The following RPS4X variants were observed in gnomAD, a reference collection of about 807,000 sequenced individuals.
The protein encoded by RPS4X is ribosomal protein S4 X-linked, also known as small ribosomal subunit protein eS4, X isoform.
For synonymous variants in RPS4X, 76 were observed against 76.8 expected (o/e 0.99, Z 0.06); for missense variants, 90 against 219.1 (o/e 0.41, Z 3.72).
chrX:72,274,089 T>C, intron 4 of RPS4X, 117 bp from the exon 5 acceptor site: 2 of 643,405 alleles, frequency 3.1e-6, no homozygotes, highest in Non-Finnish European at 4.9e-6. Flanking sequence ...GATCGTTCTT[T>C]CCACCCTCAA....
rs1038312542 is a variant in RPS4X at position 72,274,435 on chromosome X, G to A, written c.361-463C>T. 54 of 341,815 alleles carry A rather than the reference G, an allele frequency of 1.6e-4. No homozygotes were observed. In the Admixed American group the frequency reaches 1.6e-3, roughly 10 times the overall value. 28.2% of individuals were successfully genotyped at this position (341,815 alleles called of 1,213,427 possible). On this transcript the variant is annotated intron_variant, in intron 4 of 6. Coordinates refer to ENST00000316084, the MANE Select transcript of RPS4X (RefSeq NM_001007.5). ...TGCCCTCCAGTCTGCTGTTAACAAG[G>A]CTGTGCAAAAGGAAATTAGGAGCCA...
intron 1 of RPS4X, among the ~76,000 whole-genome samples, chrX:72,276,562 G>T (rs1304306941): frequency 8.9e-6 from 1 of 111,786 alleles, no homozygotes; most frequent in African/African-American, 3.3e-5. Context: ...GGTCTTTCAA[G>T]AACACCATAC....
In RPS4X at chrX:72,277,186, G is replaced by T; in HGVS notation, c.3+7C>A. The T allele has an allele frequency of 1.7e-6, 2 of 1,210,450 alleles. No homozygotes were observed. The highest frequency in any genetic ancestry group is 3.5e-5 in the South Asian group (2 of 56,656). ...CGTCCTAAGAGCTCGCTAACTAAAC[G>T]GCTTACCATGGCTGCGTTAGGCAAG... On this transcript the variant is annotated splice_region_variant and intron_variant, in intron 1 of 6. Coordinates refer to ENST00000316084, the MANE Select transcript of RPS4X (RefSeq NM_001007.5).
chrX:72,272,573 TAAAA>T lies in RPS4X; in HGVS notation c.*94_*97del, dbSNP rs941983223. 5 of 425,092 alleles carry T rather than the reference TAAAA, an allele frequency of 1.2e-5. No individual in the cohort carries two copies. In the East Asian group the frequency reaches 2.3e-4, roughly 20 times the overall value. 35.0% of individuals were successfully genotyped at this position (425,092 alleles called of 1,213,427 possible). A position where few individuals can be genotyped will look rare whatever the true frequency, so the allele number is the denominator to read the frequency against. ...ACAGTAAAATAGCAGGAAACTGAATTAAAAAAAAAAACAACCCACAAAACCAAAA... is the reference window on the plus strand; with the variant it reads ...ACAGTAAAATAGCAGGAAACTGAATTAAAAAAACAACCCACAAAACCAAAA... On this transcript the variant is annotated 3_prime_UTR_variant, in exon 7 of 7. Transcript: ENST00000316084.
chrX:72,274,408 C>T (rs1339167797), intron 4 of RPS4X: 4 of 342,322 alleles, frequency 1.2e-5, no homozygotes, highest in African/African-American at 2.6e-5. Flanking sequence ...TCCCACTGGA[C>T]GTGCCCTCCA....
intron 4 of RPS4X, 158 bp downstream of exon 4, chrX:72,274,895 A>G: frequency 2.3e-6 from 1 of 427,350 alleles, no homozygotes. Context: ...AGTTACATGT[A>G]AGACAGAATC....
Position 72,276,258 on chromosome X carries a change from T to C in RPS4X, c.4-24A>G, listed in dbSNP as rs777602561. On this transcript the variant is annotated intron_variant, in intron 1 of 6. Coordinates refer to ENST00000316084, the MANE Select transcript of RPS4X (RefSeq NM_001007.5). ...GCCTGAAAGTTTTAGATTGCAATGC[T>C]GTTAATCAGGTTTCAGAACAGCTTA... 35 of 1,150,878 alleles carry C rather than the reference T, an allele frequency of 3.0e-5. No individual in the cohort carries two copies. In the East Asian group the frequency reaches 1.0e-3, roughly 34 times the overall value. 94.8% of individuals were successfully genotyped at this position (1,150,878 alleles called of 1,213,427 possible). A position where few individuals can be genotyped will look rare whatever the true frequency, so the allele number is the denominator to read the frequency against.
intron 5 of RPS4X, among the ~76,000 whole-genome samples, 160 bp downstream of exon 5, chrX:72,273,641 T>G (rs775587267): frequency 9.0e-6 from 1 of 111,290 alleles, no homozygotes; most frequent in Non-Finnish European, 1.9e-5. Flanking sequence ...ACAAACAATT[T>G]AAAGAAAAGA....
At chrX:72,276,262 A>C in intron 1 of RPS4X, 28 bp from the exon 2 acceptor site, 3 of 1,142,078 alleles carry the variant, frequency 2.6e-6, no homozygotes, top group Non-Finnish European at 3.6e-6. Context: ...CAATGCTGTT[A>C]ATCAGGTTTC....
intron 3 of RPS4X, 79 bp from the exon 4 acceptor site, chrX:72,275,229 G>A (rs2043197783): frequency 1.6e-6 from 1 of 624,805 alleles, no homozygotes; most frequent in Non-Finnish European, 2.5e-6. Flanking sequence ...AGCTCTCTAC[G>A]AAACAAAAAG....
chrX:72,277,204 T>G lies in RPS4X; in HGVS notation c.-9A>C, dbSNP rs763941222. 1.7e-6 allele frequency: 2 copies of G among 1,209,425 alleles called. No individual in the cohort carries two copies. The highest frequency in any genetic ancestry group is 4.4e-5 in the Admixed American group (2 of 45,907). On this transcript the variant is annotated 5_prime_UTR_variant, in exon 1 of 7. Coordinates refer to ENST00000316084, the MANE Select transcript of RPS4X (RefSeq NM_001007.5). ...ACTAAACGGCTTACCATGGCTGCGT[T>G]AGGCAAGGAAAGAGGACCTCCGTCT...
intron 5 of RPS4X, 25 bp from the exon 6 acceptor site, chrX:72,273,414 T>C: frequency 8.6e-7 from 1 of 1,157,194 alleles, no homozygotes; most frequent in East Asian, 3.0e-5. Context: ...ATAATCTGCT[T>C]CAACTCAATA....
In RPS4X at chrX:72,272,664, A is replaced by G; in HGVS notation, c.*7T>C. On this transcript the variant is annotated 3_prime_UTR_variant, in exon 7 of 7. Transcript: ENST00000316084. ...CAAAGATCTGACATGTCACCCAGGG[A>G]CCCATTTCACCCACTGCTCTGTTTG... 1 of 1,100,592 alleles carries G rather than the reference A, an allele frequency of 9.1e-7. No individual in the cohort carries two copies. Among genetic ancestry groups the G allele is most frequent in the Non-Finnish European group, 1.3e-6 (1 of 796,677 alleles). The allele number at this position is 1,100,592 out of a possible 1,213,427, so 90.7% of individuals were successfully genotyped here.
chrX:72,276,278 A>T, intron 1 of RPS4X, 44 bp from the exon 2 acceptor site: 2 of 1,030,853 alleles, frequency 1.9e-6, no homozygotes, highest in Non-Finnish European at 2.7e-6. Context: ...GTTTCAGAAC[A>T]GCTTATAAAA....
chrX:72,276,497 C>T (rs2043204701), intron 1 of RPS4X, among the ~76,000 whole-genome samples: 1 of 112,254 alleles, frequency 8.9e-6, no homozygotes, highest in Non-Finnish European at 1.9e-5. Flanking sequence ...TCTTTCAGAA[C>T]CTTGCTAAAG....
intron 3 of RPS4X, 29 bp downstream of exon 3, chrX:72,275,515 G>A: frequency 9.2e-7 from 1 of 1,084,822 alleles, no homozygotes; most frequent in South Asian, 1.9e-5. Context: ...CCATCAATAT[G>A]CGTCTCCAGA....
At chrX:72,274,957 T>C in intron 4 of RPS4X, 96 bp downstream of exon 4, 1 of 523,798 alleles carries the variant, frequency 1.9e-6, no homozygotes, top group Non-Finnish European at 3.4e-6. Flanking sequence ...AACTAATCAA[T>C]ACCCACCTCA....
At chrX:72,274,043 TG>T in intron 4 of RPS4X, 71 bp from the exon 5 acceptor site, 3 of 948,064 alleles carry the variant, frequency 3.2e-6, no homozygotes, top group Non-Finnish European at 3.0e-6. Context: ...ACAGGAACCA[TG>T]GGTTCCCTAA....
chrX:72,273,483 C>G (rs767114119), intron 5 of RPS4X, 94 bp from the exon 6 acceptor site: 2 of 887,396 alleles, frequency 2.3e-6, no homozygotes, highest in Non-Finnish European at 1.5e-6. Context: ...TCCTTTCCCC[C>G]CATTTGAATT....
Sources: allele counts gnomAD v4.1 joint callset (sites outside exome capture counted in the v4.1 genomes callset), GRCh38; gene constraint gnomAD v4.1.1; transcripts MANE v1.5; gene names NCBI Gene and HGNC (gene_info 2026-07-23, HGNC 2026-07-21).